The following MYH11 variants were observed in gnomAD, a reference collection of about 807,000 sequenced individuals.
The protein encoded by MYH11 is myosin-11.
A neutral mutation model predicts 246.6 loss-of-function variants in MYH11; 80 were observed. The observed-to-expected ratio is 0.32, with a 90% CI of 0.27 to 0.39. The LOEUF (loss-of-function observed/expected upper bound fraction) is 0.39, where lower values mean the gene tolerates loss of function less well. MYH11 is among the 10% of genes least tolerant of loss of function. MYH11 has a pLI of 1.00. For synonymous variants in MYH11, 1,071 were observed against 1,015.5 expected, an observed-to-expected ratio of 1.05 and a Z score of -1.04; for missense variants, 2,158 against 2,546.8, an observed-to-expected ratio of 0.85 and a Z score of 3.29.
Position 15,780,271 on chromosome 16 carries a change from T to TGC in MYH11, c.727-1429_727-1428insGC, listed in dbSNP as rs1555567326. ...AGCCATTATTTGGCTTGTCACATGTTGGGGGGGGGCCGCTGTTGTTAGTGA... is the reference window on the plus strand; with the variant it reads ...AGCCATTATTTGGCTTGTCACATGTTGCGGGGGGGGGCCGCTGTTGTTAGTGA... On this transcript the variant is annotated intron_variant, in intron 6 of 40. Coordinates refer to ENST00000300036, the MANE Select transcript of MYH11 (RefSeq NM_002474.3). Among the ~76,000 whole-genome samples, 14 of 142,532 alleles carry TGC rather than the reference T, an allele frequency of 9.8e-5. No individual in the cohort carries two copies. The East Asian group carries it at 2.4e-3, about 24-fold the overall frequency. The allele number at this position is 142,532 out of a possible 152,430, so 93.5% of individuals were successfully genotyped here.
At chr16:15,759,313 CAG>C (rs374333118) in intron 12 of MYH11, among the ~76,000 whole-genome samples, 119 of 147,700 alleles carry the variant, frequency 8.1e-4, no homozygotes, top group Admixed American at 6.1e-4. Flanking sequence ...TGGAGGAAGG[CAG>C]AGAGAGAGAG....
intron 23 of MYH11, among the ~76,000 whole-genome samples, chr16:15,739,134 C>G (rs2041202605): frequency 6.6e-6 from 1 of 151,562 alleles, no homozygotes; most frequent in African/African-American, 2.4e-5. Flanking sequence ...GAGTCTCACT[C>G]TGTCGCCCAG....
rs60544332 is a variant in MYH11 at position 15,725,134 on chromosome 16, TA to T, written c.3859-143del. ...ATACCCGTGAGGTATGGGACTCTGA[TA>T]AAAAAAAAAAAAAACACACACACAC... On this transcript the variant is annotated intron_variant, in intron 28 of 40. Transcript: ENST00000300036. The T allele has an allele frequency of 0.16, 78,114 of 492,304 alleles. 987 individuals are homozygous for T. Among genetic ancestry groups the T allele is most frequent in the African/African-American group, 0.24 (11,569 of 47,664 alleles). The allele number at this position is 492,304 out of a possible 1,614,324, so 30.5% of individuals were successfully genotyped here. A position where few individuals can be genotyped will look rare whatever the true frequency, so the allele number is the denominator to read the frequency against.
At chr16:15,804,716 G>A (rs928053104) in intron 3 of MYH11, among the ~76,000 whole-genome samples, 1 of 151,992 alleles carries the variant, frequency 6.6e-6, no homozygotes, top group Non-Finnish European at 1.5e-5. Flanking sequence ...CTGTCTCTAT[G>A]GTCTTACCTA....
chr16:15,749,623 G>A (rs976506656), intron 16 of MYH11: 1 of 168,162 alleles, frequency 5.9e-6, no homozygotes, highest in South Asian at 1.6e-4. Context: ...ATCTTGTAGG[G>A]ATTCTGTGCT....
chr16:15,829,091 G>T lies in MYH11; in HGVS notation c.346-5680C>A, dbSNP rs1230977132. 2.6e-5 allele frequency among the ~76,000 whole-genome samples: 4 copies of T among 151,894 alleles called. No individual in the cohort carries two copies. In the East Asian group the frequency reaches 7.7e-4, roughly 29 times the overall value. Reference sequence around the variant, plus strand: ...CCCAGCTACTCAGGAGTCTGAGGCAGGAGAGTCACCTGAACCAAGGAGGCA... The same window carrying T: ...CCCAGCTACTCAGGAGTCTGAGGCATGAGAGTCACCTGAACCAAGGAGGCA... On this transcript the variant is annotated intron_variant, in intron 2 of 40. Transcript: ENST00000300036.
At chr16:15,725,987 C>G (rs909433485) in intron 28 of MYH11, 1 of 319,382 alleles carries the variant, frequency 3.1e-6, no homozygotes, top group Non-Finnish European at 5.7e-6. Flanking sequence ...GCTGGGCACT[C>G]CAGCTCTACT....
At chr16:15,733,380 C>G (rs2041023169) in intron 26 of MYH11, among the ~76,000 whole-genome samples, 2 of 152,056 alleles carry the variant, frequency 1.3e-5, no homozygotes, top group African/African-American at 4.8e-5. Flanking sequence ...ATTACAGGTG[C>G]CCACCACCAC....
intron 19 of MYH11, among the ~76,000 whole-genome samples, chr16:15,746,880 G>A (rs1220544327): frequency 6.6e-6 from 1 of 152,138 alleles, no homozygotes; most frequent in Non-Finnish European, 1.5e-5. Flanking sequence ...TTGAGACCAG[G>A]AATTTGAGAC....
chr16:15,711,882 G>A (rs756379857), intron 40 of MYH11, among the ~76,000 whole-genome samples: 28 of 152,222 alleles, frequency 1.8e-4, no homozygotes, highest in Admixed American at 4.6e-4. Flanking sequence ...TAGTAGAGAC[G>A]GGGTTTCACC....
chr16:15,719,168 C>A (rs370204545), intron 36 of MYH11, 52 bp downstream of exon 36: 119 of 1,533,938 alleles, frequency 7.8e-5, no homozygotes, highest in Admixed American at 2.0e-4. Flanking sequence ...AGGATGCTGC[C>A]TGTCCCCCCA....
chr16:15,736,839 G>T (rs1325905448), intron 25 of MYH11, among the ~76,000 whole-genome samples: 1 of 152,258 alleles, frequency 6.6e-6, no homozygotes, highest in Non-Finnish European at 1.5e-5. Flanking sequence ...TGCTTGAAAA[G>T]AACTTAGCAC....
At chr16:15,854,689 A>G (rs569082063) in intron 1 of MYH11, among the ~76,000 whole-genome samples, 1 of 152,282 alleles carries the variant, frequency 6.6e-6, no homozygotes, top group South Asian at 2.1e-4. Context: ...ATGGCCTTCT[A>G]TGATTCTACT....
intron 40 of MYH11, chr16:15,712,990 A>T (rs928495077): frequency 2.7e-5 from 4 of 150,556 alleles, no homozygotes; most frequent in Admixed American, 2.0e-4. Context: ...AGTAGCTGGA[A>T]CTATAGGCAT....
At chr16:15,793,917 G>A (rs902474293) in intron 4 of MYH11, among the ~76,000 whole-genome samples, 19 of 136,484 alleles carry the variant, frequency 1.4e-4, no homozygotes, top group Admixed American at 4.6e-4. Flanking sequence ...GCCACGGTGC[G>A]TGGCCAATTT....
At chr16:15,706,281 T>G (rs1198078584) in intron 40 of MYH11, among the ~76,000 whole-genome samples, 1 of 152,148 alleles carries the variant, frequency 6.6e-6, no homozygotes, top group Admixed American at 6.5e-5. Context: ...TCTTTTTCTT[T>G]TTTAGCACTG....
At chr16:15,807,095 G>C (rs1057296878) in intron 3 of MYH11, among the ~76,000 whole-genome samples, 2 of 152,100 alleles carry the variant, frequency 1.3e-5, no homozygotes, top group Non-Finnish European at 2.9e-5. Flanking sequence ...CTGAGCAGCT[G>C]GGACTACAGG....
intron 9 of MYH11, among the ~76,000 whole-genome samples, chr16:15,764,258 A>C (rs575433069): frequency 1.3e-5 from 2 of 152,320 alleles, no homozygotes; most frequent in South Asian, 4.1e-4. Flanking sequence ...AAGGCTAAAG[A>C]ATTTACTATC....
At chr16:15,753,596 C>T (rs1319101051) in intron 14 of MYH11, 88 bp from the exon 15 acceptor site, 1 of 996,042 alleles carries the variant, frequency 1.0e-6, no homozygotes, top group Non-Finnish European at 1.6e-6. Flanking sequence ...CATTGTCCTT[C>T]CAGATCTTCT....
Sources: gnomAD v4.1 joint callset for allele counts (sites outside exome capture counted in the v4.1 genomes callset) on GRCh38, gnomAD v4.1.1 for gene constraint, MANE v1.5 for transcripts, NCBI Gene and HGNC (gene_info 2026-07-23, HGNC 2026-07-21) for gene names.